SLC23A2: variants seen among roughly 807,000 people sequenced by gnomAD.
SLC23A2 encodes the protein Na(+)/L-ascorbic acid transporter 2.
Under a neutral mutation model 73.3 loss-of-function variants are expected in SLC23A2, and 36 were observed. The ratio of observed to expected loss-of-function variants is 0.49; its 90% CI spans 0.38 to 0.65. SLC23A2 has a LOEUF of 0.65. SLC23A2 is among the 30% of genes least tolerant of loss of function. SLC23A2 has a pLI of 0.00. For missense variants in SLC23A2, 507 were observed against 841.6 expected (o/e 0.60, Z 4.92); for synonymous variants, 343 against 327.3 (o/e 1.05, Z -0.52).
intron 2 of SLC23A2, among the ~76,000 whole-genome samples, chr20:4,962,717 G>A (rs2087411889): frequency 6.6e-6 from 1 of 152,094 alleles, no homozygotes; most frequent in Non-Finnish European, 1.5e-5. Flanking sequence ...GTTGCTAGAT[G>A]GCCTGGCGCA....
Position 4,856,943 on chromosome 20 carries a change from T to A in SLC23A2, c.*29A>T, listed in dbSNP as rs963159500. 7 of 1,455,462 alleles carry A rather than the reference T, an allele frequency of 4.8e-6. No homozygotes were observed. In the Admixed American group the frequency reaches 5.2e-5, roughly 11 times the overall value. The allele number at this position is 1,455,462 out of a possible 1,614,324, so 90.2% of individuals were successfully genotyped here. ...AAGGAACTACAGATACATGCCTCAC[T>A]GCGGCCAGGCCACAGGGCACAGCAA... On this transcript the variant is annotated 3_prime_UTR_variant, in exon 17 of 17. Transcript: ENST00000338244. This position sits in a 1 kb window ranked among gnomAD's most constrained non-coding sequence, Gnocchi z 4.6.
At chr20:4,937,618 A>T (rs1453073787) in intron 2 of SLC23A2, among the ~76,000 whole-genome samples, 3 of 152,254 alleles carry the variant, frequency 2.0e-5, no homozygotes, top group African/African-American at 7.2e-5. Flanking sequence ...GCTTCAGAGA[A>T]GTCAAATAAC....
At chr20:4,986,864 G>C (rs2087839500) in intron 1 of SLC23A2, among the ~76,000 whole-genome samples, 2 of 151,960 alleles carry the variant, frequency 1.3e-5, no homozygotes, top group Admixed American at 1.3e-4. Context: ...GTAAGCAATG[G>C]AACTAAACAC....
intron 2 of SLC23A2, among the ~76,000 whole-genome samples, chr20:4,939,325 ACAT>A (rs2087006680): frequency 6.6e-6 from 1 of 152,206 alleles, no homozygotes. Flanking sequence ...TAATCTTACT[ACAT>A]CAAACCTATC....
intron 2 of SLC23A2, among the ~76,000 whole-genome samples, chr20:4,964,984 TTC>T (rs1555806429): frequency 3.3e-5 from 5 of 152,144 alleles, no homozygotes; most frequent in African/African-American, 1.2e-4. Flanking sequence ...GTGGTTTTTT[TTC>T]CCCTTATTTT....
At chr20:4,987,594 A>G (rs2087851815) in intron 1 of SLC23A2, among the ~76,000 whole-genome samples, 3 of 152,184 alleles carry the variant, frequency 2.0e-5, no homozygotes, top group Admixed American at 2.0e-4. Context: ...CACGCCTATA[A>G]TCTCAGCACT....
At chr20:4,948,441 C>T (rs1023573310) in intron 2 of SLC23A2, among the ~76,000 whole-genome samples, 1 of 152,162 alleles carries the variant, frequency 6.6e-6, no homozygotes, top group African/African-American at 2.4e-5. Flanking sequence ...CCCCTGCTCC[C>T]CACTAGTCCA....
At chr20:4,944,653 A>C (rs972323836) in intron 2 of SLC23A2, among the ~76,000 whole-genome samples, 1 of 152,190 alleles carries the variant, frequency 6.6e-6, no homozygotes, top group Non-Finnish European at 1.5e-5. Context: ...CACTTCTTTA[A>C]ACCAATCCAG....
chr20:4,870,054 C>A lies in SLC23A2; in HGVS notation c.1103-1G>T. ...GACACGGTGGGCAGTCCCCACTGAACTGTGGGAGGAAAACAACCATGAATG... is the reference window on the plus strand; with the variant it reads ...GACACGGTGGGCAGTCCCCACTGAAATGTGGGAGGAAAACAACCATGAATG... On this transcript the variant is annotated splice_acceptor_variant, in intron 11 of 16. Coordinates refer to ENST00000338244, the MANE Select transcript of SLC23A2 (RefSeq NM_005116.6). LOFTEE classifies it high-confidence loss of function. 6.3e-7 allele frequency: 1 copy of A among 1,593,346 alleles called. No homozygotes were observed.
intron 9 of SLC23A2, among the ~76,000 whole-genome samples, chr20:4,877,922 C>T (rs941515760): frequency 6.6e-5 from 10 of 152,254 alleles, no homozygotes; most frequent in Non-Finnish European, 1.5e-5. Flanking sequence ...TAAACTCCAT[C>T]TCCATCAGAG....
chr20:4,959,941 A>T (rs1007888976), intron 2 of SLC23A2, among the ~76,000 whole-genome samples: 3 of 151,840 alleles, frequency 2.0e-5, no homozygotes, highest in Admixed American at 1.3e-4. Flanking sequence ...GTACTGCCAT[A>T]CTCAGCTAAT....
At chr20:4,870,282 A>G (rs565867908) in intron 11 of SLC23A2, among the ~76,000 whole-genome samples, 2 of 152,228 alleles carry the variant, frequency 1.3e-5, no homozygotes, top group Non-Finnish European at 2.9e-5. Context: ...GTCTTTAATT[A>G]AAAGAAAACA....
intron 3 of SLC23A2, among the ~76,000 whole-genome samples, chr20:4,930,081 C>A (rs570681356): frequency 1.3e-5 from 2 of 152,274 alleles, no homozygotes; most frequent in South Asian, 2.1e-4. Flanking sequence ...CAACTGCTAA[C>A]GATAAAATAC....
At chr20:4,897,961 C>T (rs991148046) in intron 6 of SLC23A2, among the ~76,000 whole-genome samples, 4 of 152,216 alleles carry the variant, frequency 2.6e-5, no homozygotes, top group Admixed American at 6.5e-5. Flanking sequence ...AACATCTCCC[C>T]AGAGAACCAG....
rs71332851 is a variant in SLC23A2, at chr20:4,872,002, AT to A, written c.1102+1933del. 2.0e-5 allele frequency among the ~76,000 whole-genome samples: 3 copies of A among 151,066 alleles called. No individual in the cohort carries two copies. Among genetic ancestry groups the A allele is most frequent in the South Asian group, 2.1e-4 (1 of 4,764 alleles). ...TATATATCTATATATCTATATCTAT[AT>A]TTTTTTTTCTTAAAGACCTTGTTGG... On this transcript the variant is annotated intron_variant, in intron 11 of 16. Coordinates refer to ENST00000338244, the MANE Select transcript of SLC23A2 (RefSeq NM_005116.6). This position sits in a 1 kb window ranked among gnomAD's most constrained non-coding sequence, Gnocchi z 4.4.
chr20:4,923,383 C>G (rs1273960854), intron 3 of SLC23A2, among the ~76,000 whole-genome samples: 1 of 152,196 alleles, frequency 6.6e-6, no homozygotes, highest in Admixed American at 6.5e-5. Context: ...TATTCCTTTT[C>G]TAACACTTTT....
chr20:4,974,978 G>C (rs1377763229), intron 1 of SLC23A2, among the ~76,000 whole-genome samples: 4 of 151,978 alleles, frequency 2.6e-5, no homozygotes, highest in African/African-American at 4.8e-5. Flanking sequence ...GTAGAGATGG[G>C]GTTTCATCAT....
intron 3 of SLC23A2, among the ~76,000 whole-genome samples, chr20:4,930,817 A>C (rs778090952): frequency 4.8e-5 from 7 of 146,158 alleles, no homozygotes; most frequent in Non-Finnish European, 1.1e-4. Context: ...AGACGGTCTC[A>C]AAAAAAAAAG....
intron 11 of SLC23A2, among the ~76,000 whole-genome samples, chr20:4,871,994 A>AT (rs1419787488): frequency 6.6e-6 from 1 of 151,660 alleles, no homozygotes; most frequent in Non-Finnish European, 1.5e-5. Flanking sequence ...CTATATATCT[A>AT]TATCTATATT....
Sources: gnomAD v4.1 joint callset for allele counts (sites outside exome capture counted in the v4.1 genomes callset) on GRCh38, gnomAD v4.1.1 for gene constraint, Gnocchi (gnomAD v3.1) non-coding constraint, MANE v1.5 for transcripts, NCBI Gene and HGNC (gene_info 2026-07-23, HGNC 2026-07-21) for gene names.